ARHGAP5: variants seen among roughly 807,000 people sequenced by gnomAD.
The protein encoded by ARHGAP5 is Rho GTPase activating protein 5.
Under a neutral mutation model 116.6 loss-of-function variants are expected in ARHGAP5, and 23 were observed. The ratio of observed to expected loss-of-function variants is 0.20; its 90% CI spans 0.14 to 0.28. ARHGAP5 has a LOEUF of 0.28. Ranked by LOEUF, ARHGAP5 falls within the 10% of genes least tolerant of loss-of-function variation. The pLI is 1.00. For missense variants in ARHGAP5, 1,405 were observed against 1,774.8 expected, an observed-to-expected ratio of 0.79 and a Z score of 3.74; for synonymous variants, 574 against 602.0, an observed-to-expected ratio of 0.95 and a Z score of 0.68.
chr14:32,116,791 T>G (rs997260617), intron 2 of ARHGAP5, among the ~76,000 whole-genome samples: 7 of 152,164 alleles, frequency 4.6e-5, no homozygotes, highest in African/African-American at 1.7e-4. Flanking sequence ...AGAGACCAAA[T>G]GAAATTAATA....
chr14:32,078,713 A>G (rs1375703041), intron 1 of ARHGAP5, among the ~76,000 whole-genome samples: 1 of 152,168 alleles, frequency 6.6e-6, no homozygotes, highest in Non-Finnish European at 1.5e-5. Flanking sequence ...CGTTCACTTC[A>G]TGGGAGCTTG....
In ARHGAP5 at chr14:32,131,813, C is replaced by T. The variant is rs576648793; in HGVS notation, c.3866-14450C>T. 5.3e-5 allele frequency among the ~76,000 whole-genome samples: 8 copies of T among 152,256 alleles called. No individual in the cohort carries two copies. The East Asian group carries it at 1.4e-3, about 26-fold the overall frequency. On this transcript the variant is annotated intron_variant, in intron 3 of 6. Coordinates refer to ENST00000345122, the MANE Select transcript of ARHGAP5 (RefSeq NM_001030055.2). ...CGTGTTCTCATTATTCAGTTCCCAC[C>T]TATGAGTGAGAACATGCGGTGTTTG...
chr14:32,092,839 A>G lies in ARHGAP5; in HGVS notation c.2170A>G (p.Lys724Glu), dbSNP rs1201499502. Residue 724 changes from lysine to glutamate, a missense_variant, in exon 2 of 7, where the codon AAG becomes GAG. By Grantham distance (56) the Lys-to-Glu change is moderately conservative. This residue lies in a region of ARHGAP5 where 944 missense variants were observed against 1,095.3 expected (regional missense o/e 0.86). Coordinates refer to ENST00000345122, the MANE Select transcript of ARHGAP5 (RefSeq NM_001030055.2). The surrounding 1 kb of genome is among the most constrained non-coding windows in gnomAD (Gnocchi z 4.1). ...GCACCAAGGGCAGCAGTTGGCAAAC[A>G]AGTTGCAATGTCCTTTTGTAGATGT... ...LRHQGQQLAN[K>E]LQCPFVDVPA... is the part of the protein sequence containing the mutation. 2 of 1,613,988 alleles carry G rather than the reference A, an allele frequency of 1.2e-6. No individual in the cohort carries two copies. The highest frequency in any genetic ancestry group is 1.7e-6 in the Non-Finnish European group (2 of 1,179,958).
At position 32,093,655 on chromosome 14, in the gene ARHGAP5, G is replaced by T; in HGVS notation, c.2986G>T (p.Asp996Tyr). The T allele has an allele frequency of 6.2e-7, 1 of 1,613,902 alleles. No individual in the cohort carries two copies. Among genetic ancestry groups the T allele is most frequent in the Non-Finnish European group, 8.5e-7 (1 of 1,179,894 alleles). Residue 996 changes from aspartate to tyrosine, a missense_variant, in exon 2 of 7, where the codon GAT (aspartate) becomes TAT (tyrosine). Asp to Tyr is a radical substitution (Grantham distance 160). Coordinates refer to ENST00000345122, the MANE Select transcript of ARHGAP5 (RefSeq NM_001030055.2). Reference protein sequence around the residue: ...EAPPPYSPIGDDVQLLPTPSD... With the variant: ...EAPPPYSPIGYDVQLLPTPSD... ...ACCACCTCCTTATAGTCCAATTGGG[G>T]ATGATGTACAGTTGCTTCCAACACC...
rs1259175895 is a variant in ARHGAP5 at position 32,091,840 on chromosome 14, C to T, written c.1171C>T (p.His391Tyr). Reference protein sequence around the residue: ...LEKTPWDETDHIDKINDRRIP... With the variant: ...LEKTPWDETDYIDKINDRRIP... ...AAAAACTCCTTGGGATGAAACTGAC[C>T]ATATAGACAAAATTAATGATAGGCG... The change falls in exon 2 of 7, where the codon CAT becomes TAT. Residue 391 changes from histidine to tyrosine, a missense_variant. Physicochemically the swap from His to Tyr is moderately conservative, Grantham distance 83. This residue lies in a region of ARHGAP5 where 944 missense variants were observed against 1,095.3 expected (regional missense o/e 0.86). Transcript: ENST00000345122. The T allele has an allele frequency of 6.2e-7, 1 of 1,613,240 alleles. No homozygotes were observed.
intron 3 of ARHGAP5, among the ~76,000 whole-genome samples, chr14:32,132,286 G>A (rs1239814033): frequency 6.6e-6 from 1 of 152,166 alleles, no homozygotes; most frequent in South Asian, 2.1e-4. Context: ...TCTAACTGGT[G>A]TGAGATGGTA....
At chr14:32,078,237 A>G (rs1442583651) in intron 1 of ARHGAP5, 2 of 152,216 alleles carry the variant, frequency 1.3e-5, no homozygotes, top group Non-Finnish European at 2.9e-5. Flanking sequence ...CTTCAGCGTT[A>G]TTAGAAATGC....
chr14:32,131,542 T>C (rs1880496315), intron 3 of ARHGAP5, among the ~76,000 whole-genome samples: 1 of 152,028 alleles, frequency 6.6e-6, no homozygotes, highest in Admixed American at 6.5e-5. Flanking sequence ...GCAACCACCA[T>C]TTCATGTTCT....
intron 1 of ARHGAP5, among the ~76,000 whole-genome samples, chr14:32,081,202 G>A (rs1374212785): frequency 6.6e-6 from 1 of 152,086 alleles, no homozygotes; most frequent in Non-Finnish European, 1.5e-5. Context: ...TGATTTAAAA[G>A]TTAGTAGAAA....
intron 3 of ARHGAP5, among the ~76,000 whole-genome samples, chr14:32,142,267 C>G (rs1881160589): frequency 5.3e-5 from 8 of 151,998 alleles, no homozygotes; most frequent in Admixed American, 5.2e-4. Flanking sequence ...CTCTAAATTT[C>G]TTTTTTTCCT....
chr14:32,140,087 G>GTTTTTTTTTCTTTTTTTTTTTTT (rs1881028802), intron 3 of ARHGAP5, among the ~76,000 whole-genome samples: 1 of 29,854 alleles, frequency 3.3e-5, no homozygotes, highest in Non-Finnish European at 7.4e-5. Flanking sequence ...TTTTTTTTAG[G>GTTTTTTTTTCTTTTTTTTTTTTT]TTATTTGTTC....
At chr14:32,140,095 T>TTC (rs1460430844) in intron 3 of ARHGAP5, among the ~76,000 whole-genome samples, 3 of 130,554 alleles carry the variant, frequency 2.3e-5, no homozygotes, top group African/African-American at 8.7e-5. Context: ...AGGTTATTTG[T>TTC]TCTTTTTTTT....
chr14:32,080,360 A>T (rs1013782716), intron 1 of ARHGAP5, among the ~76,000 whole-genome samples: 1 of 151,186 alleles, frequency 6.6e-6, no homozygotes, highest in Non-Finnish European at 1.5e-5. Flanking sequence ...AAAATAACTA[A>T]TGGGTACTAG....
At chr14:32,102,556 A>G (rs1187890562) in intron 2 of ARHGAP5, among the ~76,000 whole-genome samples, 1 of 152,256 alleles carries the variant, frequency 6.6e-6, no homozygotes, top group African/African-American at 2.4e-5. Context: ...TCTCGAAAAC[A>G]AAGAAAAATG....
chr14:32,154,559 C>G, intron 6 of ARHGAP5, 62 bp from the exon 7 acceptor site: 1 of 1,309,984 alleles, frequency 7.6e-7, no homozygotes, highest in Non-Finnish European at 1.1e-6. Flanking sequence ...ATTTCTAGCT[C>G]TGGAATTCTG....
At chr14:32,100,801 A>C (rs995860202) in intron 2 of ARHGAP5, among the ~76,000 whole-genome samples, 1 of 152,204 alleles carries the variant, frequency 6.6e-6, no homozygotes. Context: ...TTAATTTAGT[A>C]ACCTACTAGT....
At position 32,157,860 on chromosome 14, in the gene ARHGAP5, A is replaced by T. The variant is rs1881963111; in HGVS notation, c.*2912A>T. ...TTTTTGAGGTACTGGAATCTAATTA[A>T]TATCTCTTAGGTATCAACAAAAGGG... On this transcript the variant is annotated 3_prime_UTR_variant, in exon 7 of 7. Coordinates refer to ENST00000345122, the MANE Select transcript of ARHGAP5 (RefSeq NM_001030055.2). The T allele has an allele frequency of 1.3e-5, 2 of 150,958 alleles. No individual in the cohort carries two copies. Among genetic ancestry groups the T allele is most frequent in the African/African-American group, 4.8e-5 (2 of 41,306 alleles). 9.4% of individuals were successfully genotyped at this position (150,958 alleles called of 1,614,324 possible).
rs1881874497 is a variant in ARHGAP5, at chr14:32,155,946, T to C, written c.*998T>C. On this transcript the variant is annotated 3_prime_UTR_variant, in exon 7 of 7. Transcript: ENST00000345122. ...TTAATTTGTTCCTTGAATCTATTTT[T>C]ATGTGGCCCTTAAAAAATATCCAAA... 6.6e-6 allele frequency: 1 copy of C among 152,556 alleles called. No homozygotes were observed. Among genetic ancestry groups the C allele is most frequent in the Non-Finnish European group, 1.5e-5 (1 of 67,964 alleles). 9.5% of individuals were successfully genotyped at this position (152,556 alleles called of 1,614,324 possible).
intron 3 of ARHGAP5, among the ~76,000 whole-genome samples, chr14:32,117,690 C>A (rs1157836203): frequency 6.6e-6 from 1 of 152,140 alleles, no homozygotes; most frequent in Non-Finnish European, 1.5e-5. Flanking sequence ...TTAAAACTTA[C>A]AGCAATAGTT....
Sources: gnomAD v4.1 joint callset for allele counts (sites outside exome capture counted in the v4.1 genomes callset) on GRCh38, gnomAD v4.1.1 for gene constraint, gnomAD v4.1.1 regional missense constraint, Gnocchi (gnomAD v3.1) non-coding constraint, MANE v1.5 for transcripts, NCBI Gene and HGNC (gene_info 2026-07-23, HGNC 2026-07-21) for gene names.